A1BG: variants seen among roughly 807,000 people sequenced by gnomAD.
A1BG encodes the protein alpha-1-B glycoprotein.
A neutral mutation model predicts 46.0 loss-of-function variants in A1BG; 44 were observed. The ratio of observed to expected loss-of-function variants is 0.96; its 90% CI spans 0.75 to 1.23. The LOEUF (loss-of-function observed/expected upper bound fraction) is 1.23, where lower values mean the gene tolerates loss of function less well. Ranked by LOEUF, A1BG falls within the 50% of genes most tolerant of loss-of-function variation. A1BG has a pLI of 0.00. For missense variants in A1BG, 707 were observed against 688.8 expected (o/e 1.03, Z -0.30); for synonymous variants, 316 against 314.7 (o/e 1.00, Z -0.04).
chr19:58,352,321 AG>A lies in A1BG; in HGVS notation c.574del (p.Leu192SerfsTer8), dbSNP rs1390161878. On this transcript the variant is annotated frameshift_variant, in exon 4 of 8. Coordinates refer to ENST00000263100, the MANE Select transcript of A1BG (RefSeq NM_130786.4). LOFTEE classifies it high-confidence loss of function. ...GGTCACAGTAGCGCTGGGCTCAGAGAGGGCGCCTTCCCCATCGGTCCGGTAG... is the reference window on the plus strand; with the variant it reads ...GGTCACAGTAGCGCTGGGCTCAGAGAGGCGCCTTCCCCATCGGTCCGGTAG... ...CSYRTDGEGA[L>X]SEPSATVTIE... The A allele has an allele frequency of 1.1e-5, 17 of 1,613,736 alleles. No homozygotes were observed. Among genetic ancestry groups the A allele is most frequent in the Non-Finnish European group, 1.4e-5 (16 of 1,179,986 alleles).
At chr19:58,348,440 A>C (rs2051931714) in intron 6 of A1BG, 1 of 152,372 alleles carries the variant, frequency 6.6e-6, no homozygotes, top group East Asian at 1.9e-4. Context: ...ATTTCAGGGA[A>C]ATTAATGAAG....
Position 58,346,602 on chromosome 19 carries a change from C to G in A1BG, c.*420G>C. On this transcript the variant is annotated 3_prime_UTR_variant, in exon 8 of 8. Coordinates refer to ENST00000263100, the MANE Select transcript of A1BG (RefSeq NM_130786.4). ...AGACGTGGCGATGCATGCCCAGGCT[C>G]CCAGCTACTTGGGAGGCTGAGGCAG... 3.8e-6 allele frequency: 1 copy of G among 262,880 alleles called. No homozygotes were observed. The highest frequency in any genetic ancestry group is 7.5e-6 in the Non-Finnish European group (1 of 133,692). The allele number at this position is 262,880 out of a possible 1,614,324, so 16.3% of individuals were successfully genotyped here. A position where few individuals can be genotyped will look rare whatever the true frequency, so the allele number is the denominator to read the frequency against.
At chr19:58,351,161 C>T (rs1272983190) in intron 5 of A1BG, 13 of 611,258 alleles carry the variant, frequency 2.1e-5, no homozygotes, top group African/African-American at 3.7e-5. Flanking sequence ...CAGGTGGTGC[C>T]CCCTGTGGCC....
intron 6 of A1BG, 115 bp downstream of exon 6, chr19:58,350,255 G>A (rs1359331957): frequency 3.8e-6 from 5 of 1,323,300 alleles, no homozygotes; most frequent in African/African-American, 1.5e-5. Flanking sequence ...GGCGATGGGG[G>A]CTGAACCAAG....
In A1BG at chr19:58,352,948, A is replaced by G; in HGVS notation, c.320T>C (p.Leu107Pro). The change falls in exon 3 of 8, where the codon CTC becomes CCC. Residue 107 changes from leucine (L) to proline (P), a missense_variant. Coordinates refer to ENST00000263100, the MANE Select transcript of A1BG (RefSeq NM_130786.4). The stretch of plus-strand genomic sequence containing the variant: ...CTCACTTGGCCCTGTCAGCTCCAGG[A>G]GCTTGCTCAGCTGGGTCCATCCTGT... ...LSTGWTQLSKLLELTGPKSLP... is the reference protein window; with the variant it reads ...LSTGWTQLSKPLELTGPKSLP... The G allele has an allele frequency of 1.2e-6, 2 of 1,613,396 alleles. No homozygotes were observed. The highest frequency in any genetic ancestry group is 8.5e-7 in the Non-Finnish European group (1 of 1,179,904).
At chr19:58,352,249 C>G (rs758621283) in intron 4 of A1BG, 34 bp downstream of exon 4, 67 of 1,605,988 alleles carry the variant, frequency 4.2e-5, no homozygotes, top group African/African-American at 9.4e-5. Flanking sequence ...ATCCTCCTCC[C>G]CCAGCAGCCC....
rs2051944677 is a variant in A1BG at position 58,350,218 on chromosome 19, ACCGATCGCCTGCT to A, written c.1192+139_1192+151del. On this transcript the variant is annotated intron_variant, in intron 6 of 7. Transcript: ENST00000263100. ...TCCAGGCGTCCCCAGACCCTCGACCACCGATCGCCTGCTCCCCGCCGGGGTAGGCGATGGGGGC... is the reference window on the plus strand; with the variant it reads ...TCCAGGCGTCCCCAGACCCTCGACCACCCCGCCGGGGTAGGCGATGGGGGC... 7 of 1,023,912 alleles carry A rather than the reference ACCGATCGCCTGCT, an allele frequency of 6.8e-6. No individual in the cohort carries two copies. In the South Asian group the frequency reaches 1.1e-4, roughly 16 times the overall value. 63.4% of individuals were successfully genotyped at this position (1,023,912 alleles called of 1,614,324 possible).
Position 58,346,742 on chromosome 19 carries a change from C to T in A1BG, c.*280G>A. On this transcript the variant is annotated 3_prime_UTR_variant, in exon 8 of 8. Transcript: ENST00000263100. ...TCAAAAAAGAAAAAAGAAAAGAAAA[C>T]TGTGCTCTTAAGAGCCAGTTCTCCA... The T allele has an allele frequency of 1.8e-6, 1 of 552,346 alleles. No homozygotes were observed. Among genetic ancestry groups the T allele is most frequent in the Non-Finnish European group, 3.2e-6 (1 of 309,350 alleles). 34.2% of individuals were successfully genotyped at this position (552,346 alleles called of 1,614,324 possible). A position where few individuals can be genotyped will look rare whatever the true frequency, so the allele number is the denominator to read the frequency against.
chr19:58,353,457 G>A lies in A1BG; in HGVS notation c.-20C>T. The A allele has an allele frequency of 1.2e-6, 2 of 1,601,464 alleles. No individual in the cohort carries two copies. The highest frequency in any genetic ancestry group is 1.3e-5 in the African/African-American group (1 of 74,776). On this transcript the variant is annotated 5_prime_UTR_variant, in exon 1 of 8. Coordinates refer to ENST00000263100, the MANE Select transcript of A1BG (RefSeq NM_130786.4). ...GGACATGATGGTCGCGCTCACTCCGGTGCAGTGAGTGTCTGGGGTGAGCGT... is the reference window on the plus strand; with the variant it reads ...GGACATGATGGTCGCGCTCACTCCGATGCAGTGAGTGTCTGGGGTGAGCGT...
intron 7 of A1BG, 77 bp from the exon 8 acceptor site, chr19:58,347,106 C>T (rs2051918526): frequency 6.4e-7 from 1 of 1,559,828 alleles, no homozygotes; most frequent in African/African-American, 1.4e-5. Flanking sequence ...TCAAGGCCGA[C>T]CTCCCTGACG....
At chr19:58,350,317 C>T in intron 6 of A1BG, 53 bp downstream of exon 6, 1 of 1,490,792 alleles carries the variant, frequency 6.7e-7, no homozygotes, top group Non-Finnish European at 9.0e-7. Context: ...AGACAGGAGG[C>T]CCCGAGGGGC....
rs1245724448 is a variant in A1BG at position 58,347,014 on chromosome 19, C to G, written c.*8G>C. On this transcript the variant is annotated 3_prime_UTR_variant, in exon 8 of 8. Coordinates refer to ENST00000263100, the MANE Select transcript of A1BG (RefSeq NM_130786.4). ...GGACACCAACAGCACCCTGGGCCCG[C>G]GGCTGCATCAGCTTTCTAGACAACG... is the stretch of plus-strand genomic sequence containing the variant. 6.2e-7 allele frequency: 1 copy of G among 1,614,098 alleles called. No homozygotes were observed. The highest frequency in any genetic ancestry group is 8.5e-7 in the Non-Finnish European group (1 of 1,180,004).
At position 58,353,325 on chromosome 19, in the gene A1BG, C is replaced by A; in HGVS notation, c.37G>T (p.Val13Phe). ...MLVVFLLLWG[V>F]TWGPVTEAAI... is the part of the protein sequence containing the mutation. ...GCTTCTGTCACTGGGCCCCAGGTGA[C>A]ACCTGCGGAGACAGCCCCCGTAAGG... Residue 13 changes from valine (V) to phenylalanine (F), a missense_variant and splice_region_variant, in exon 2 of 8, where the codon GTC becomes TTC. By Grantham distance (50) the Val-to-Phe change is conservative (BLOSUM62 -1). Transcript: ENST00000263100. The A allele has an allele frequency of 6.2e-7, 1 of 1,612,050 alleles. No individual in the cohort carries two copies. Among genetic ancestry groups the A allele is most frequent in the Non-Finnish European group, 8.5e-7 (1 of 1,179,188 alleles).
Position 58,350,481 on chromosome 19 carries a change from G to A in A1BG, c.1081C>T (p.Leu361=), listed in dbSNP as rs1386330494. The change falls in exon 6 of 8, where the codon CTG becomes TTG. Residue 361 remains leucine (L), a synonymous_variant. Coordinates refer to ENST00000263100, the MANE Select transcript of A1BG (RefSeq NM_130786.4). ...GAGTCAGCCACGGAAATGTTGTGCA[G>A]CTCGAAGAGCGCCTCGGTCCCAGCG... The part of the protein sequence containing the change: ...SPAGTEALFE[L]HNISVADSAN... 3 of 1,556,470 alleles carry A rather than the reference G, an allele frequency of 1.9e-6. No individual in the cohort carries two copies. The South Asian group carries it at 3.5e-5, about 18-fold the overall frequency.
Position 58,352,462 on chromosome 19 carries a change from C to T in A1BG, c.434G>A (p.Gly145Asp), listed in dbSNP as rs752023317. The change falls in exon 4 of 8, where the codon GGT becomes GAT. Residue 145 changes from glycine to aspartate, a missense_variant. Gly to Asp is a moderately conservative substitution (Grantham distance 94). Coordinates refer to ENST00000263100, the MANE Select transcript of A1BG (RefSeq NM_130786.4). ...CTCCCGCCTCAGCAGAAAAGTCACA[C>T]CCCGCAGCACACCTCGGCACACTGC... ...TTAVCRGVLRGVTFLLRREGD... is the reference protein window; with the variant it reads ...TTAVCRGVLRDVTFLLRREGD... 6.2e-7 allele frequency: 1 copy of T among 1,613,704 alleles called. No individual in the cohort carries two copies. Among genetic ancestry groups the T allele is most frequent in the Non-Finnish European group, 8.5e-7 (1 of 1,180,012 alleles).
chr19:58,352,323 G>A lies in A1BG; in HGVS notation c.573C>T (p.Ala191=), dbSNP rs1308625326. 2 of 1,613,968 alleles carry A rather than the reference G, an allele frequency of 1.2e-6. No individual in the cohort carries two copies. The highest frequency in any genetic ancestry group is 8.5e-7 in the Non-Finnish European group (1 of 1,180,014). ...TCACAGTAGCGCTGGGCTCAGAGAGGGCGCCTTCCCCATCGGTCCGGTAGC... is the reference window on the plus strand; with the variant it reads ...TCACAGTAGCGCTGGGCTCAGAGAGAGCGCCTTCCCCATCGGTCCGGTAGC... ...SCSYRTDGEG[A]LSEPSATVTI... The change falls in exon 4 of 8, where the codon GCC becomes GCT. Residue 191 remains alanine, a synonymous_variant. Coordinates refer to ENST00000263100, the MANE Select transcript of A1BG (RefSeq NM_130786.4).
chr19:58,347,786 T>C (rs921698785), intron 6 of A1BG, 146 bp from the exon 7 acceptor site: 7 of 466,476 alleles, frequency 1.5e-5, no homozygotes, highest in South Asian at 1.1e-4. Flanking sequence ...CGCAGAGGGC[T>C]CCTCCGGCGC....
chr19:58,351,506 G>A lies in A1BG; in HGVS notation c.795C>T (p.His265=). The A allele has an allele frequency of 3.7e-6, 6 of 1,613,936 alleles. No homozygotes were observed. The highest frequency in any genetic ancestry group is 8.5e-7 in the Non-Finnish European group (1 of 1,180,032). ...CATCCCCCAGGGCCACCGCGTTCAG[G>A]TGAAAGAAGATGCGATCTGGGCTGG... ...SSTSPDRIFF[H]LNAVALGDGG... Residue 265 remains histidine (H), a synonymous_variant, in exon 5 of 8, where the codon CAC becomes CAT. Transcript: ENST00000263100.
Position 58,351,527 on chromosome 19 carries a change from G to T in A1BG, c.774C>A (p.Ser258Arg), listed in dbSNP as rs746361920. Residue 258 changes from serine (S) to arginine (R), a missense_variant, in exon 5 of 8, where the codon AGC becomes AGA. Transcript: ENST00000263100. ...TCAGGTGAAAGAAGATGCGATCTGG[G>T]CTGGTGCTGCTCCTGGGTACCAGCA... ...KELLVPRSST[S>R]PDRIFFHLNA... 2 of 1,613,954 alleles carry T rather than the reference G, an allele frequency of 1.2e-6. No homozygotes were observed. Among genetic ancestry groups the T allele is most frequent in the Non-Finnish European group, 1.7e-6 (2 of 1,180,032 alleles).
Sources: allele counts gnomAD v4.1 joint callset, GRCh38; gene constraint gnomAD v4.1.1; transcripts MANE v1.5; gene names NCBI Gene and HGNC (gene_info 2026-07-23, HGNC 2026-07-21).